The following SUGCT variants were observed in gnomAD, a reference collection of about 807,000 sequenced individuals.
SUGCT encodes succinyl-CoA:glutarate CoA-transferase.
Under a neutral mutation model 55.0 loss-of-function variants are expected in SUGCT, and 41 were observed. That is an observed-to-expected ratio of 0.74 (90% confidence interval 0.58 to 0.97). SUGCT has a LOEUF of 0.97. Ranked by LOEUF, SUGCT falls within the 50% of genes least tolerant of loss-of-function variation. The pLI, the probability that SUGCT is intolerant of heterozygous loss-of-function variation, is 0.00. For missense variants in SUGCT, 568 were observed against 547.8 expected, an observed-to-expected ratio of 1.04 and a Z score of -0.37; for synonymous variants, 187 against 200.4, an observed-to-expected ratio of 0.93 and a Z score of 0.56.
intron 12 of SUGCT, among the ~76,000 whole-genome samples, chr7:40,650,844 T>A (rs931529212): frequency 2.0e-5 from 3 of 152,174 alleles, no homozygotes; most frequent in African/African-American, 7.2e-5. Context: ...ATGCATTAGC[T>A]ATTTTTCCTA....
chr7:40,755,535 T>C (rs1483660856), intron 13 of SUGCT, among the ~76,000 whole-genome samples: 1 of 152,214 alleles, frequency 6.6e-6, no homozygotes, highest in East Asian at 1.9e-4. Flanking sequence ...CCATTCACTA[T>C]TTGCATCTTC....
chr7:40,302,626 G>A (rs1469320378), intron 8 of SUGCT, among the ~76,000 whole-genome samples: 2 of 152,170 alleles, frequency 1.3e-5, no homozygotes, highest in Non-Finnish European at 2.9e-5. Flanking sequence ...AGAGCTCATG[G>A]AGGTTGTGGG....
chr7:40,222,055 GAGA>G (rs1424789025), intron 6 of SUGCT, among the ~76,000 whole-genome samples: 2 of 152,248 alleles, frequency 1.3e-5, no homozygotes, highest in African/African-American at 2.4e-5. Flanking sequence ...GGGTAAGAGA[GAGA>G]AGAACATTGT....
intron 12 of SUGCT, among the ~76,000 whole-genome samples, chr7:40,573,478 G>T (rs954151974): frequency 6.6e-6 from 1 of 151,722 alleles, no homozygotes; most frequent in Non-Finnish European, 1.5e-5. Context: ...TTTCCCCTAA[G>T]TAATAAGCTG....
chr7:40,354,793 GC>G (rs2151206340), intron 9 of SUGCT, among the ~76,000 whole-genome samples: 1 of 152,340 alleles, frequency 6.6e-6, no homozygotes, highest in South Asian at 2.1e-4. Context: ...CAAAGTAGTA[GC>G]AGGAGATGAG....
At chr7:41,010,731 A>C in the SUGCT span, among the ~76,000 whole-genome samples, 1 of 152,224 alleles carries the variant, frequency 6.6e-6, no homozygotes, top group Non-Finnish European at 1.5e-5. Context: ...TTAGGATACC[A>C]CATGTTTTTG....
chr7:40,352,660 T>C (rs911455384), intron 9 of SUGCT, among the ~76,000 whole-genome samples: 1 of 152,210 alleles, frequency 6.6e-6, no homozygotes, highest in Non-Finnish European at 1.5e-5. Flanking sequence ...AAATATTCCA[T>C]GCTTTATCCA....
intron 12 of SUGCT, chr7:40,684,084 T>C: frequency 3.1e-6 from 5 of 1,612,466 alleles, no homozygotes; most frequent in Non-Finnish European, 4.2e-6. Flanking sequence ...CAAAGCCTGC[T>C]GCATTCCTTG....
rs17171729 is a variant in SUGCT, at chr7:40,549,938, G to A, written c.1089+53552G>A. Among the ~76,000 whole-genome samples the A allele has an allele frequency of 3.0e-3, 454 of 152,292 alleles. 6 individuals are homozygous for A. The highest frequency in any genetic ancestry group is 0.029 in the East Asian group (151 of 5,184). On this transcript the variant is annotated intron_variant, in intron 12 of 13. Coordinates refer to ENST00000335693, the MANE Select transcript of SUGCT (RefSeq NM_001193313.2). Reference sequence around the variant, plus strand: ...TTTCATAGGCAGTGGAATGCAACTAGGAGAGGATTGTAAGGAGGAGATAGC... The same window carrying A: ...TTTCATAGGCAGTGGAATGCAACTAAGAGAGGATTGTAAGGAGGAGATAGC...
At chr7:40,289,514 A>C (rs1283209183) in intron 8 of SUGCT, among the ~76,000 whole-genome samples, 4 of 152,184 alleles carry the variant, frequency 2.6e-5, no homozygotes, top group Non-Finnish European at 4.4e-5. Flanking sequence ...TCAAAATAAT[A>C]AGAGCTATCT....
chr7:40,466,605 T>C (rs1266624980), intron 11 of SUGCT, among the ~76,000 whole-genome samples: 1 of 152,226 alleles, frequency 6.6e-6, no homozygotes, highest in Non-Finnish European at 1.5e-5. Context: ...TAGCACCTAT[T>C]TGGCACTCAG....
chr7:40,604,770 T>TCA (rs923099636), intron 12 of SUGCT, among the ~76,000 whole-genome samples: 40 of 152,202 alleles, frequency 2.6e-4, no homozygotes, highest in African/African-American at 8.9e-4. Context: ...CAAGAAATCA[T>TCA]CACACTCCTG....
At chr7:40,330,572 A>G (rs1010186839) in intron 9 of SUGCT, among the ~76,000 whole-genome samples, 2 of 152,086 alleles carry the variant, frequency 1.3e-5, no homozygotes, top group Non-Finnish European at 2.9e-5. Context: ...TAAGTCCGGC[A>G]TGGTTTTTCC....
chr7:40,267,920 G>C (rs1327825465), intron 7 of SUGCT, among the ~76,000 whole-genome samples: 2 of 152,058 alleles, frequency 1.3e-5, no homozygotes, highest in African/African-American at 4.8e-5. Context: ...TTTAGTTATT[G>C]TTACCCTTGA....
At chr7:40,350,320 ATTTATTT>A (rs1797552942) in intron 9 of SUGCT, among the ~76,000 whole-genome samples, 1 of 136,924 alleles carries the variant, frequency 7.3e-6, no homozygotes, top group Non-Finnish European at 1.6e-5. Flanking sequence ...TTATTTATTT[ATTTATTT>A]ATTTTTAAGA....
intron 13 of SUGCT, among the ~76,000 whole-genome samples, chr7:40,777,422 G>A (rs142256375): frequency 6.6e-6 from 1 of 151,826 alleles, no homozygotes; most frequent in Non-Finnish European, 1.5e-5. Context: ...GATGTGAATG[G>A]CCACATTCCT....
intron 9 of SUGCT, among the ~76,000 whole-genome samples, chr7:40,319,115 T>C (rs1475992537): frequency 6.6e-6 from 1 of 152,240 alleles, no homozygotes; most frequent in Non-Finnish European, 1.5e-5. Context: ...AATGTACTTT[T>C]CCTGTTGAAT....
At chr7:40,160,426 A>G (rs937203920) in intron 1 of SUGCT, among the ~76,000 whole-genome samples, 1 of 152,024 alleles carries the variant, frequency 6.6e-6, no homozygotes, top group African/African-American at 2.4e-5. Flanking sequence ...ACGGAGTTTC[A>G]CCATGTTGGT....
intron 7 of SUGCT, among the ~76,000 whole-genome samples, chr7:40,254,444 C>A (rs1345691927): frequency 1.3e-5 from 2 of 152,194 alleles, no homozygotes; most frequent in East Asian, 1.9e-4. Context: ...GTCGCCCAGG[C>A]TGGAGTGCAG....
Sources: allele counts gnomAD v4.1 joint callset (sites outside exome capture counted in the v4.1 genomes callset), GRCh38; gene constraint gnomAD v4.1.1; transcripts MANE v1.5; gene names NCBI Gene and HGNC (gene_info 2026-07-23, HGNC 2026-07-21).